The following SCUBE1 variants were observed in gnomAD, a reference collection of about 807,000 sequenced individuals.
SCUBE1 encodes signal peptide, CUB and EGF-like domain-containing protein 1.
A neutral mutation model predicts 124.4 loss-of-function variants in SCUBE1; 59 were observed. The ratio of observed to expected loss-of-function variants is 0.47; its 90% CI spans 0.38 to 0.59. SCUBE1 has a LOEUF of 0.59. SCUBE1 is among the 20% of genes least tolerant of loss of function. The pLI, the probability that SCUBE1 is intolerant of heterozygous loss-of-function variation, is 0.00. For synonymous variants in SCUBE1, 545 were observed against 550.9 expected (o/e 0.99, Z 0.15); for missense variants, 1,150 against 1,371.2 (o/e 0.84, Z 2.55).
At chr22:43,342,586 T>A (rs1927359055) in intron 1 of SCUBE1, among the ~76,000 whole-genome samples, 1 of 150,754 alleles carries the variant, frequency 6.6e-6, no homozygotes, top group Non-Finnish European at 1.5e-5. Context: ...GGTGGGACCA[T>A]CCCTCTTGAT....
In SCUBE1 at chr22:43,210,950, A is replaced by T; in HGVS notation, c.2355T>A (p.Asp785Glu). 2 of 1,612,204 alleles carry T rather than the reference A, an allele frequency of 1.2e-6. No individual in the cohort carries two copies. Among genetic ancestry groups the T allele is most frequent in the Non-Finnish European group, 1.7e-6 (2 of 1,179,030 alleles). Residue 785 changes from aspartate to glutamate, a missense_variant, in exon 18 of 22, where the codon GAT becomes GAA. By Grantham distance (45) the Asp-to-Glu change is conservative (BLOSUM62 2). Around this residue, in one of 3 missense-constraint regions of SCUBE1, gnomAD observed 757 missense variants for 840.9 expected, o/e 0.90. Transcript: ENST00000360835. The surrounding 1 kb of genome is among the most constrained non-coding windows in gnomAD (Gnocchi z 4.5). Reference sequence around the variant, plus strand: ...TGCAGTGTGTGACGTTGGTGGAGCCATCGAAGTCTGTGCTGGTGTTGCCCG... The same window carrying T: ...TGCAGTGTGTGACGTTGGTGGAGCCTTCGAAGTCTGTGCTGGTGTTGCCCG... ...TCPGNTSTDFDGSTNVTHCKN... is the reference protein window; with the variant it reads ...TCPGNTSTDFEGSTNVTHCKN...
intron 2 of SCUBE1, among the ~76,000 whole-genome samples, chr22:43,322,548 G>A (rs9612040): frequency 1.3e-5 from 2 of 151,904 alleles, no homozygotes; most frequent in Non-Finnish European, 2.9e-5. Flanking sequence ...CCTTAATATC[G>A]TTACAGTCTG....
At chr22:43,326,704 G>A (rs144509142) in intron 2 of SCUBE1, among the ~76,000 whole-genome samples, 6 of 152,092 alleles carry the variant, frequency 3.9e-5, no homozygotes, top group Non-Finnish European at 8.8e-5. Flanking sequence ...AGGGTGGGAA[G>A]GTTCCCTCCC....
At chr22:43,307,919 G>A (rs889893674) in intron 3 of SCUBE1, among the ~76,000 whole-genome samples, 1 of 152,040 alleles carries the variant, frequency 6.6e-6, no homozygotes, top group Non-Finnish European at 1.5e-5. Context: ...GTGGGCCACT[G>A]ATTCTGCCCT....
intron 12 of SCUBE1, 30 bp from the exon 13 acceptor site, chr22:43,221,319 T>C (rs1444601567): frequency 7.8e-7 from 1 of 1,282,762 alleles, no homozygotes; most frequent in Admixed American, 1.9e-5. Context: ...CCCCAGGTGG[T>C]GGCCTCTCCT....
chr22:43,289,310 G>A (rs1203926608), intron 4 of SCUBE1, among the ~76,000 whole-genome samples: 3 of 152,198 alleles, frequency 2.0e-5, no homozygotes, highest in Admixed American at 2.0e-4. Context: ...TGCCTCCACC[G>A]TGGGCAGCTT....
rs145074945 is a variant in SCUBE1, at chr22:43,285,517, G to A, written c.484+5529C>T. ...AGAAAACCACTTTCTGGAGCTTGCC[G>A]CCAGCAACAATAGGGGGCGGGGGAC... On this transcript the variant is annotated intron_variant, in intron 4 of 21. Coordinates refer to ENST00000360835, the MANE Select transcript of SCUBE1 (RefSeq NM_173050.5). 5.9e-3 allele frequency among the ~76,000 whole-genome samples: 905 copies of A among 152,286 alleles called. 8 individuals are homozygous for A. The highest frequency in any genetic ancestry group is 0.021 in the African/African-American group (864 of 41,562).
intron 2 of SCUBE1, among the ~76,000 whole-genome samples, chr22:43,334,016 A>G (rs761012036): frequency 6.6e-6 from 1 of 152,198 alleles, no homozygotes; most frequent in African/African-American, 2.4e-5. Flanking sequence ...TATTCTTATC[A>G]CAGCAAAGAG....
intron 15 of SCUBE1, 85 bp from the exon 16 acceptor site, chr22:43,214,336 TGATA>T (rs2146659054): frequency 1.5e-6 from 2 of 1,377,516 alleles, no homozygotes; most frequent in East Asian, 4.7e-5. Context: ...CAGGCTCTCC[TGATA>T]GACACAGTCC....
chr22:43,305,732 C>T (rs541231625), intron 3 of SCUBE1, among the ~76,000 whole-genome samples: 2 of 152,222 alleles, frequency 1.3e-5, no homozygotes, highest in East Asian at 1.9e-4. Flanking sequence ...CAAATGACTC[C>T]ACTGGTGTCT....
intron 17 of SCUBE1, among the ~76,000 whole-genome samples, 176 bp downstream of exon 17, chr22:43,212,249 T>G (rs1921593866): frequency 6.6e-6 from 1 of 152,230 alleles, no homozygotes. Flanking sequence ...AAGGTGTCCC[T>G]GTCCTAATGC....
intron 7 of SCUBE1, among the ~76,000 whole-genome samples, chr22:43,235,317 G>A (rs1424195552): frequency 6.6e-6 from 1 of 152,084 alleles, no homozygotes; most frequent in Non-Finnish European, 1.5e-5. Flanking sequence ...ACAGGACACT[G>A]GTTCTGGCTC....
chr22:43,322,045 C>T (rs1601890090), intron 2 of SCUBE1, among the ~76,000 whole-genome samples: 1 of 151,914 alleles, frequency 6.6e-6, no homozygotes, highest in African/African-American at 2.4e-5. Flanking sequence ...AGTGCAATGG[C>T]GCGATCTCAG....
chr22:43,209,711 T>G (rs941091709), intron 19 of SCUBE1, among the ~76,000 whole-genome samples: 8 of 152,044 alleles, frequency 5.3e-5, no homozygotes, highest in Non-Finnish European at 1.2e-4. Flanking sequence ...CGGCAGAAAG[T>G]GGTGGCAAGG....
chr22:43,256,874 A>AT (rs1354594160), intron 6 of SCUBE1, among the ~76,000 whole-genome samples: 3 of 152,234 alleles, frequency 2.0e-5, no homozygotes, highest in Non-Finnish European at 2.9e-5. Context: ...AGGCTGCAAT[A>AT]GAGACACTGG....
At chr22:43,328,886 T>C (rs1446652832) in intron 2 of SCUBE1, among the ~76,000 whole-genome samples, 1 of 152,184 alleles carries the variant, frequency 6.6e-6, no homozygotes, top group Non-Finnish European at 1.5e-5. Context: ...CCATGGCTCA[T>C]AGAAAAAGAA....
At chr22:43,221,067 C>T in intron 13 of SCUBE1, 106 bp downstream of exon 13, 1 of 742,524 alleles carries the variant, frequency 1.3e-6, no homozygotes. Flanking sequence ...GAGAGACCTC[C>T]ACCCTTGGAA....
At chr22:43,274,806 G>A (rs1266970351) in intron 4 of SCUBE1, among the ~76,000 whole-genome samples, 5 of 152,060 alleles carry the variant, frequency 3.3e-5, no homozygotes, top group Non-Finnish European at 5.9e-5. Flanking sequence ...CTGGAGTCCC[G>A]GCTGCGTCAC....
chr22:43,226,428 G>GT (rs1922307756), intron 10 of SCUBE1, among the ~76,000 whole-genome samples: 1 of 152,040 alleles, frequency 6.6e-6, no homozygotes, highest in Non-Finnish European at 1.5e-5. Flanking sequence ...TGCTGGTGTG[G>GT]GGGGGCCCTC....
Sources: gnomAD v4.1 joint callset for allele counts (sites outside exome capture counted in the v4.1 genomes callset) on GRCh38, gnomAD v4.1.1 for gene constraint, gnomAD v4.1.1 regional missense constraint, Gnocchi (gnomAD v3.1) non-coding constraint, MANE v1.5 for transcripts, NCBI Gene and HGNC (gene_info 2026-07-23, HGNC 2026-07-21) for gene names.